Variants in TGM3 observed in about 807,000 individuals in gnomAD.
TGM3 encodes protein-glutamine gamma-glutamyltransferase E.
A neutral mutation model predicts 73.8 loss-of-function variants in TGM3; 52 were observed. The ratio of observed to expected loss-of-function variants is 0.70; its 90% CI spans 0.56 to 0.89. The LOEUF (loss-of-function observed/expected upper bound fraction) is 0.89. Ranked by LOEUF, TGM3 falls within the 40% of genes least tolerant of loss-of-function variation. The probability of loss-of-function intolerance (pLI) is 0.00; values close to 1 mark genes in which losing one functional copy is unlikely to be tolerated. For synonymous variants in TGM3, 372 were observed against 354.9 expected, an observed-to-expected ratio of 1.05 and a Z score of -0.54; for missense variants, 928 against 909.9, an observed-to-expected ratio of 1.02 and a Z score of -0.26.
chr20:2,316,967 T>C, intron 5 of TGM3, 101 bp from the exon 6 acceptor site: 1 of 1,395,794 alleles, frequency 7.2e-7, no homozygotes, highest in Non-Finnish European at 9.9e-7. Context: ...GCCTTTGGCT[T>C]CCTTCCTCAT....
chr20:2,323,071 T>C (rs1303356675), intron 7 of TGM3, among the ~76,000 whole-genome samples: 2 of 152,212 alleles, frequency 1.3e-5, no homozygotes, highest in East Asian at 3.8e-4. Flanking sequence ...TCTTTTTCCT[T>C]TTTTATTTCC....
In TGM3 at chr20:2,338,556, A is replaced by C. The variant is rs555525886; in HGVS notation, c.1801-1298A>C. Among the ~76,000 whole-genome samples, 4 of 152,344 alleles carry C rather than the reference A, an allele frequency of 2.6e-5. No individual in the cohort carries two copies. In the South Asian group the frequency reaches 6.2e-4, roughly 24 times the overall value. ...CTTCAATTACTCACAAATTACTGGG[A>C]GGTATTGCAGACCTATCAGAAACAG... On this transcript the variant is annotated intron_variant, in intron 11 of 12. Coordinates refer to ENST00000381458, the MANE Select transcript of TGM3 (RefSeq NM_003245.4).
intron 5 of TGM3, among the ~76,000 whole-genome samples, chr20:2,316,519 G>A (rs1303962114): frequency 2.0e-5 from 3 of 151,950 alleles, no homozygotes; most frequent in East Asian, 3.9e-4. Context: ...CCAAGATCAC[G>A]CCACTGCACT....
In TGM3 at chr20:2,298,287, A is replaced by C. The variant is rs188338062; in HGVS notation, c.7+2217A>C. Among the ~76,000 whole-genome samples the C allele has an allele frequency of 1.1e-4, 16 of 152,294 alleles. No homozygotes were observed. In the East Asian group the frequency reaches 2.7e-3, roughly 26 times the overall value. ...TGAAGGTAGTGGAGGAAGGCCTGGCAGTGATCCGCACCAAGTGGCCTGGCA... is the reference window on the plus strand; with the variant it reads ...TGAAGGTAGTGGAGGAAGGCCTGGCCGTGATCCGCACCAAGTGGCCTGGCA... On this transcript the variant is annotated intron_variant, in intron 1 of 12. Transcript: ENST00000381458.
chr20:2,325,823 G>A (rs781508499), intron 7 of TGM3, 26 bp from the exon 8 acceptor site: 11 of 1,500,960 alleles, frequency 7.3e-6, no homozygotes, highest in East Asian at 4.9e-5. Flanking sequence ...TTGGGCAAGC[G>A]CTGCAGTCTC....
intron 10 of TGM3, 41 bp from the exon 11 acceptor site, chr20:2,335,075 C>T (rs764605396): frequency 1.2e-6 from 2 of 1,611,574 alleles, no homozygotes; most frequent in South Asian, 2.2e-5. Flanking sequence ...AGAAGCCATC[C>T]CCACTCCCCC....
At chr20:2,320,639 G>A (rs84824) in intron 7 of TGM3, among the ~76,000 whole-genome samples, 109,586 of 152,036 alleles carry the variant, frequency 0.72, 41,083 homozygotes, top group East Asian at 0.96. Context: ...CACTCTGCTC[G>A]TGCCAATGGT....
intron 1 of TGM3, among the ~76,000 whole-genome samples, chr20:2,306,214 G>C (rs1433579250): frequency 6.6e-6 from 1 of 152,124 alleles, no homozygotes; most frequent in African/African-American, 2.4e-5. Context: ...TGAGTACCCC[G>C]CCCCTCTTTC....
intron 7 of TGM3, among the ~76,000 whole-genome samples, chr20:2,320,174 A>G (rs1600700830): frequency 1.3e-5 from 2 of 152,182 alleles, no homozygotes; most frequent in African/African-American, 4.8e-5. Flanking sequence ...GAATCTTTGT[A>G]TGTTACCAAA....
chr20:2,317,104 A>T lies in TGM3; in HGVS notation c.706A>T (p.Asn236Tyr), dbSNP rs1181666646. The change falls in exon 6 of 13, where the codon AAT becomes TAT. Residue 236 changes from asparagine (N) to tyrosine (Y), a missense_variant. Coordinates refer to ENST00000381458, the MANE Select transcript of TGM3 (RefSeq NM_003245.4). ...SNDDNGVLAG[N>Y]WSGTYTGGRD... ...TGATGACAATGGTGTGCTTGCTGGG[A>T]ATTGGAGCGGCACTTACACCGGTGG... 6.2e-7 allele frequency: 1 copy of T among 1,613,850 alleles called. No homozygotes were observed. Among genetic ancestry groups the T allele is most frequent in the Admixed American group, 1.7e-5 (1 of 60,004 alleles).
rs558835368 is a variant in TGM3, at chr20:2,307,063, A to T, written c.8-2594A>T. Among the ~76,000 whole-genome samples, 7 of 151,924 alleles carry T rather than the reference A, an allele frequency of 4.6e-5. No individual in the cohort carries two copies. In the South Asian group the frequency reaches 1.5e-3, roughly 32 times the overall value. ...CTTATTTCTTCCCTTCATTCAACAG[A>T]CCCTTGTTGATTGCACAAATGTCTC... On this transcript the variant is annotated intron_variant, in intron 1 of 12. Transcript: ENST00000381458.
rs763612031 is a variant in TGM3, at chr20:2,335,080, TC to T, written c.1643-31del. ...AGGAAGGTTCAGAAGCCATCCCCACTCCCCCTCACTCGGATCCCCTGGCTTC... is the reference window on the plus strand; with the variant it reads ...AGGAAGGTTCAGAAGCCATCCCCACTCCCCTCACTCGGATCCCCTGGCTTC... On this transcript the variant is annotated intron_variant, in intron 10 of 12. Coordinates refer to ENST00000381458, the MANE Select transcript of TGM3 (RefSeq NM_003245.4). 2.6e-5 allele frequency: 42 copies of T among 1,611,628 alleles called. No homozygotes were observed. In the Middle Eastern group the frequency reaches 4.9e-4, roughly 19 times the overall value.
chr20:2,305,794 C>T (rs527534848), intron 1 of TGM3, among the ~76,000 whole-genome samples: 1 of 152,144 alleles, frequency 6.6e-6, no homozygotes, highest in Admixed American at 6.5e-5. Context: ...ACCAAGGCAC[C>T]TGGTTTCTCT....
chr20:2,326,251 A>G (rs1020464142), intron 8 of TGM3, among the ~76,000 whole-genome samples: 4 of 152,208 alleles, frequency 2.6e-5, no homozygotes, highest in Admixed American at 6.5e-5. Context: ...CACCAACTGC[A>G]GCAGCCTCTC....
chr20:2,318,623 T>C (rs939112189), intron 7 of TGM3, among the ~76,000 whole-genome samples: 2 of 152,202 alleles, frequency 1.3e-5, no homozygotes, highest in Non-Finnish European at 2.9e-5. Context: ...TACCCATCTA[T>C]CTATTGTTTT....
At chr20:2,318,043 G>C (rs1360523235) in intron 7 of TGM3, among the ~76,000 whole-genome samples, 2 of 151,242 alleles carry the variant, frequency 1.3e-5, no homozygotes, top group African/African-American at 4.9e-5. Flanking sequence ...TTTTGAGATG[G>C]AGTTTCATTC....
At chr20:2,337,427 C>T (rs979515116) in intron 11 of TGM3, among the ~76,000 whole-genome samples, 29 of 152,132 alleles carry the variant, frequency 1.9e-4, no homozygotes, top group African/African-American at 7.0e-4. Flanking sequence ...TTTAAAAGAA[C>T]TTAGTTTTTG....
intron 4 of TGM3, 114 bp from the exon 5 acceptor site, chr20:2,312,784 C>T: frequency 2.1e-6 from 3 of 1,452,724 alleles, no homozygotes; most frequent in Non-Finnish European, 2.8e-6. Flanking sequence ...GTTCCAGAGG[C>T]CACAGAGTCA....
intron 11 of TGM3, 54 bp from the exon 12 acceptor site, chr20:2,339,800 C>G: frequency 6.2e-7 from 1 of 1,608,878 alleles, no homozygotes; most frequent in Non-Finnish European, 8.5e-7. Flanking sequence ...CACCAAGGTG[C>G]AGGCAGGGGC....
Sources: allele counts gnomAD v4.1 joint callset (sites outside exome capture counted in the v4.1 genomes callset), GRCh38; gene constraint gnomAD v4.1.1; transcripts MANE v1.5; gene names NCBI Gene and HGNC (gene_info 2026-07-23, HGNC 2026-07-21).